RHOU: variants seen among roughly 807,000 people sequenced by gnomAD.
RHOU encodes ras homolog family member U, also known as rho-related GTP-binding protein RhoU.
A neutral mutation model predicts 12.6 loss-of-function variants in RHOU; 8 were observed. The observed-to-expected ratio is 0.64, with a 90% confidence interval of 0.37 to 1.15. RHOU has a LOEUF of 1.15. Ranked by LOEUF, RHOU falls within the 50% of genes most tolerant of loss-of-function variation. The pLI is 0.01. For synonymous variants in RHOU, 161 were observed against 147.4 expected, an observed-to-expected ratio of 1.09 and a Z score of -0.67; for missense variants, 258 against 347.0, an observed-to-expected ratio of 0.74 and a Z score of 2.04.
the RHOU span, among the ~76,000 whole-genome samples, chr1:228,728,065 C>G: frequency 1.7e-3 from 265 of 152,298 alleles, 9 homozygotes; most frequent in East Asian, 0.041. Flanking sequence ...ATTGCTATAG[C>G]AGCTCCAGGT....
the RHOU span, among the ~76,000 whole-genome samples, chr1:228,648,874 TTC>T: frequency 6.6e-6 from 1 of 152,190 alleles, no homozygotes; most frequent in African/African-American, 2.4e-5. Flanking sequence ...CTTTCTTTCT[TTC>T]TTTCTTTCTG....
chr1:228,690,930 A>G, the RHOU span, among the ~76,000 whole-genome samples: 295 of 152,288 alleles, frequency 1.9e-3, no homozygotes, highest in Non-Finnish European at 3.3e-3. Context: ...ATTAGTTTTA[A>G]AAGAGTGTAT....
the RHOU span, among the ~76,000 whole-genome samples, chr1:228,693,491 G>C: frequency 1.3e-5 from 2 of 149,304 alleles, no homozygotes; most frequent in South Asian, 4.2e-4. Context: ...TTTTGACACA[G>C]AGTCTCCCGC....
the RHOU span, among the ~76,000 whole-genome samples, chr1:228,649,894 C>T: frequency 6.6e-6 from 1 of 152,156 alleles, no homozygotes; most frequent in Non-Finnish European, 1.5e-5. Context: ...TGTAAAACTC[C>T]TAGAAATCTA....
the RHOU span, among the ~76,000 whole-genome samples, chr1:228,688,359 T>A: frequency 1.3e-5 from 2 of 152,208 alleles, no homozygotes; most frequent in Non-Finnish European, 2.9e-5. Context: ...CACTGCCTCT[T>A]TCATGTGTGA....
At position 228,745,406 on chromosome 1, in the gene RHOU, G is replaced by A. The variant is rs891783117; in HGVS notation, c.*1666G>A. ...AATTTTATTTTTCTGTGGGTTTTGT[G>A]TTGTCTTTTTTATGTTAAAAAGAAA... is the stretch of plus-strand genomic sequence containing the variant. On this transcript the variant is annotated 3_prime_UTR_variant, in exon 3 of 3. Transcript: ENST00000366691. The A allele has an allele frequency of 6.6e-6, 1 of 152,100 alleles. No individual in the cohort carries two copies. Among genetic ancestry groups the A allele is most frequent in the African/African-American group, 2.4e-5 (1 of 41,410 alleles). 9.4% of individuals were successfully genotyped at this position (152,100 alleles called of 1,614,324 possible).
the RHOU span, among the ~76,000 whole-genome samples, chr1:228,684,169 T>C: frequency 3.9e-5 from 6 of 151,968 alleles, no homozygotes; most frequent in Non-Finnish European, 5.9e-5. Flanking sequence ...TCCTGATAGC[T>C]GGGATTACAG....
chr1:228,684,123 C>T, the RHOU span, among the ~76,000 whole-genome samples: 1 of 151,972 alleles, frequency 6.6e-6, no homozygotes, highest in East Asian at 1.9e-4. Flanking sequence ...CTGCAACCTC[C>T]AGCTCCCAGG....
In RHOU at chr1:228,735,979, C is replaced by T. The variant is rs1272468928; in HGVS notation, c.237C>T (p.Ile79=). The T allele has an allele frequency of 3.2e-6, 5 of 1,580,146 alleles. No individual in the cohort carries two copies. The highest frequency in any genetic ancestry group is 4.3e-6 in the Non-Finnish European group (5 of 1,167,964). ...YTTNGYPTEY[I]PTAFDNFSAV... ...CCAACGGCTACCCCACCGAGTACAT[C>T]CCTACTGCCTTCGACAACTTCTCCG... is the stretch of plus-strand genomic sequence containing the variant. Residue 79 remains isoleucine, a synonymous_variant, in exon 1 of 3, where the codon ATC becomes ATT. Coordinates refer to ENST00000366691, the MANE Select transcript of RHOU (RefSeq NM_021205.6). The surrounding 1 kb of genome is among the most constrained non-coding windows in gnomAD (Gnocchi z 8.1).
chr1:228,707,084 C>T, the RHOU span, among the ~76,000 whole-genome samples: 3 of 122,294 alleles, frequency 2.5e-5, no homozygotes, highest in South Asian at 2.6e-4. Context: ...GCCTTTGGGA[C>T]CTTTAGGACA....
chr1:228,729,289 T>C, the RHOU span, among the ~76,000 whole-genome samples: 1 of 152,232 alleles, frequency 6.6e-6, no homozygotes, highest in African/African-American at 2.4e-5. Context: ...GTTGATGAGA[T>C]TCATTCCTGT....
chr1:228,704,541 T>C, the RHOU span, among the ~76,000 whole-genome samples: 1 of 151,994 alleles, frequency 6.6e-6, no homozygotes, highest in East Asian at 1.9e-4. Flanking sequence ...CACTGCAACC[T>C]CTGTCTCCTG....
chr1:228,671,272 T>G, the RHOU span, among the ~76,000 whole-genome samples: 9 of 152,302 alleles, frequency 5.9e-5, no homozygotes, highest in Admixed American at 2.6e-4. Flanking sequence ...CCCAAAGTTC[T>G]AGGATTACAG....
At chr1:228,736,607 C>T (rs1662617567) in intron 1 of RHOU, among the ~76,000 whole-genome samples, 2 of 152,112 alleles carry the variant, frequency 1.3e-5, no homozygotes, top group Non-Finnish European at 2.9e-5. Context: ...TTCTTCTGAG[C>T]CCCACCACCT....
chr1:228,717,065 G>T, the RHOU span, among the ~76,000 whole-genome samples: 1 of 152,190 alleles, frequency 6.6e-6, no homozygotes, highest in Non-Finnish European at 1.5e-5. Flanking sequence ...GAAGGCTGTG[G>T]TGAGGCCTTG....
chr1:228,662,121 C>T, the RHOU span, among the ~76,000 whole-genome samples: 1 of 152,118 alleles, frequency 6.6e-6, no homozygotes, highest in African/African-American at 2.4e-5. Context: ...AAATCAAAAC[C>T]ACAATGAGAT....
At chr1:228,742,886 G>A (rs1662752800) in intron 2 of RHOU, among the ~76,000 whole-genome samples, 1 of 152,216 alleles carries the variant, frequency 6.6e-6, no homozygotes, top group Non-Finnish European at 1.5e-5. Context: ...GGTGTGGTCT[G>A]AATTTTAGAA....
At chr1:228,658,870 A>G in the RHOU span, among the ~76,000 whole-genome samples, 12 of 152,218 alleles carry the variant, frequency 7.9e-5, no homozygotes, top group Non-Finnish European at 1.6e-4. Flanking sequence ...CTTTGGTTAC[A>G]GATGCAGAAT....
chr1:228,651,800 T>G, the RHOU span, among the ~76,000 whole-genome samples: 2,361 of 152,342 alleles, frequency 0.015, 64 homozygotes, highest in African/African-American at 0.053. Flanking sequence ...TTTTTCAAAC[T>G]TTGGCAGTCT....
Sources: gnomAD v4.1 joint callset for allele counts (sites outside exome capture counted in the v4.1 genomes callset) on GRCh38, gnomAD v4.1.1 for gene constraint, Gnocchi (gnomAD v3.1) non-coding constraint, MANE v1.5 for transcripts, NCBI Gene and HGNC (gene_info 2026-07-23, HGNC 2026-07-21) for gene names.